Variants in CAMTA1 observed in about 807,000 individuals in gnomAD.
The protein encoded by CAMTA1 is calmodulin binding transcription activator 1.
A neutral mutation model predicts 170.9 loss-of-function variants in CAMTA1; 27 were observed. The observed-to-expected ratio is 0.16, with a 90% confidence interval of 0.12 to 0.22. The LOEUF (loss-of-function observed/expected upper bound fraction) is 0.22. Among genes scored for constraint, CAMTA1 ranks in the 10% least tolerant of loss-of-function variants. The pLI, the probability that CAMTA1 is intolerant of heterozygous loss-of-function variation, is 1.00. For missense variants in CAMTA1, 1,619 were observed against 2,217.2 expected, an observed-to-expected ratio of 0.73 and a Z score of 5.42; for synonymous variants, 833 against 891.5, an observed-to-expected ratio of 0.93 and a Z score of 1.17.
intron 3 of CAMTA1, among the ~76,000 whole-genome samples, chr1:6,963,682 C>T (rs897996770): frequency 2.6e-5 from 4 of 152,220 alleles, no homozygotes; most frequent in African/African-American, 9.6e-5. Context: ...CGACCCCTCC[C>T]CAGACCTGGT....
At chr1:7,166,839 C>T (rs1288336690) in intron 4 of CAMTA1, among the ~76,000 whole-genome samples, 1 of 149,352 alleles carries the variant, frequency 6.7e-6, no homozygotes, top group Non-Finnish European at 1.5e-5. Flanking sequence ...GAGATGGAGT[C>T]TCACTCTGTT....
intron 4 of CAMTA1, among the ~76,000 whole-genome samples, chr1:7,200,878 T>C (rs1487545645): frequency 6.6e-6 from 1 of 152,224 alleles, no homozygotes; most frequent in East Asian, 1.9e-4. Context: ...CTTAAAAATT[T>C]TGAAAAACAG....
intron 3 of CAMTA1, among the ~76,000 whole-genome samples, chr1:6,828,271 T>G (rs960976402): frequency 6.6e-6 from 1 of 151,026 alleles, no homozygotes; most frequent in East Asian, 1.9e-4. Flanking sequence ...TGAGTGAGAT[T>G]GTGCTCATTC....
Position 7,664,926 on chromosome 1 carries a change from C to A in CAMTA1, c.2379C>A (p.His793Gln), listed in dbSNP as rs759748849. The change falls in exon 9 of 23, where the codon CAC becomes CAA. Residue 793 changes from histidine to glutamine, a missense_variant. Physicochemically the swap from His to Gln is conservative, Grantham distance 24. Coordinates refer to ENST00000303635, the MANE Select transcript of CAMTA1 (RefSeq NM_015215.4). ...VEGGSSTIYG[H>Q]QLVSGDSTAL... The stretch of plus-strand genomic sequence containing the variant: ...GGGGCAGCAGCACCATCTATGGGCA[C>A]CAGCTGGTGTCGGGGGACAGCACGG... 35 of 1,613,012 alleles carry A rather than the reference C, an allele frequency of 2.2e-5. No individual in the cohort carries two copies. The Admixed American group carries it at 5.7e-4, about 26-fold the overall frequency.
intron 6 of CAMTA1, among the ~76,000 whole-genome samples, chr1:7,471,897 CCCCGCAGGGG>C (rs1401543237): frequency 2.0e-5 from 3 of 152,162 alleles, no homozygotes. Flanking sequence ...CTCCGCCTGC[CCCCGCAGGGG>C]ACCAGGCCCC....
At chr1:7,514,240 G>A (rs910436452) in intron 6 of CAMTA1, among the ~76,000 whole-genome samples, 3 of 152,214 alleles carry the variant, frequency 2.0e-5, no homozygotes, top group Non-Finnish European at 2.9e-5. Flanking sequence ...GAAAGAGGAG[G>A]ATTCTCCTTA....
intron 6 of CAMTA1, among the ~76,000 whole-genome samples, chr1:7,604,008 GC>G (rs2095466842): frequency 6.6e-6 from 1 of 152,100 alleles, no homozygotes; most frequent in Admixed American, 6.5e-5. Context: ...TTGAATATTG[GC>G]CCCCACTCTC....
intron 3 of CAMTA1, among the ~76,000 whole-genome samples, chr1:7,004,743 A>G (rs980942623): frequency 1.3e-5 from 2 of 152,002 alleles, no homozygotes; most frequent in African/African-American, 4.8e-5. Context: ...AATTTTTTCA[A>G]TGTTTCCTAT....
At chr1:7,344,290 G>C (rs536445613) in intron 5 of CAMTA1, among the ~76,000 whole-genome samples, 3 of 152,350 alleles carry the variant, frequency 2.0e-5, no homozygotes, top group East Asian at 1.9e-4. Context: ...AGGGCTCCCA[G>C]AGTGAGCTTT....
chr1:7,564,816 A>G (rs1438238155), intron 6 of CAMTA1, among the ~76,000 whole-genome samples: 1 of 151,906 alleles, frequency 6.6e-6, no homozygotes, highest in Non-Finnish European at 1.5e-5. Flanking sequence ...TTAGAAGGAG[A>G]TGGAGACTGA....
chr1:7,112,255 G>A (rs2148388877), intron 4 of CAMTA1, among the ~76,000 whole-genome samples: 1 of 152,246 alleles, frequency 6.6e-6, no homozygotes, highest in East Asian at 1.9e-4. Context: ...TTACTTTTAG[G>A]ACATTGGACT....
At chr1:7,444,368 T>C (rs2092627004) in intron 5 of CAMTA1, among the ~76,000 whole-genome samples, 1 of 152,156 alleles carries the variant, frequency 6.6e-6, no homozygotes, top group Non-Finnish European at 1.5e-5. Flanking sequence ...CCAGCCACAG[T>C]AGCTTCTGCC....
At chr1:7,526,069 A>G (rs979522517) in intron 6 of CAMTA1, among the ~76,000 whole-genome samples, 1 of 152,150 alleles carries the variant, frequency 6.6e-6, no homozygotes, top group Non-Finnish European at 1.5e-5. Context: ...GATTAATGCA[A>G]AAAATCCATG....
In CAMTA1 at chr1:7,050,111, G is replaced by A. The variant is rs547977779; in HGVS notation, c.235-41193G>A. 1.3e-5 allele frequency among the ~76,000 whole-genome samples: 2 copies of A among 152,332 alleles called. No homozygotes were observed. The highest frequency in any genetic ancestry group is 2.4e-5 in the African/African-American group (1 of 41,584). On this transcript the variant is annotated intron_variant, in intron 3 of 22. Coordinates refer to ENST00000303635, the MANE Select transcript of CAMTA1 (RefSeq NM_015215.4). This position sits in a 1 kb window ranked among gnomAD's most constrained non-coding sequence, Gnocchi z 4.8. ...CTGGGAGTGTTTGAAGGTCAGCCGG[G>A]AGACTGCGAGGCAGGAGCTGGTGGA...
At chr1:6,901,175 C>A (rs1676850938) in intron 3 of CAMTA1, among the ~76,000 whole-genome samples, 1 of 152,226 alleles carries the variant, frequency 6.6e-6, no homozygotes, top group Non-Finnish European at 1.5e-5. Flanking sequence ...TGTAATGGAA[C>A]AACTGGACAT....
At chr1:7,741,929 G>T (rs1168972789) in intron 16 of CAMTA1, among the ~76,000 whole-genome samples, 1 of 141,522 alleles carries the variant, frequency 7.1e-6, no homozygotes, top group Non-Finnish European at 1.5e-5. Flanking sequence ...GAGCCACCAT[G>T]CCCGGCCTCG....
chr1:7,448,443 C>T (rs542787055), intron 5 of CAMTA1, among the ~76,000 whole-genome samples: 8 of 152,238 alleles, frequency 5.3e-5, no homozygotes, highest in East Asian at 3.9e-4. Context: ...CTGTGGAGGC[C>T]GAGGCTCTCT....
chr1:7,012,588 T>C (rs1284559287), intron 3 of CAMTA1, among the ~76,000 whole-genome samples: 1 of 152,150 alleles, frequency 6.6e-6, no homozygotes, highest in Non-Finnish European at 1.5e-5. Flanking sequence ...CAGGGCTGAG[T>C]GCTGTGGGCG....
intron 10 of CAMTA1, among the ~76,000 whole-genome samples, chr1:7,675,156 G>C (rs2096103757): frequency 6.6e-6 from 1 of 152,204 alleles, no homozygotes; most frequent in Non-Finnish European, 1.5e-5. Context: ...GAAGCATCCA[G>C]GCCAGGTAGA....
Sources: gnomAD v4.1 joint callset for allele counts (sites outside exome capture counted in the v4.1 genomes callset) on GRCh38, gnomAD v4.1.1 for gene constraint, Gnocchi (gnomAD v3.1) non-coding constraint, MANE v1.5 for transcripts, NCBI Gene and HGNC (gene_info 2026-07-23, HGNC 2026-07-21) for gene names.